ANKIB1: variants seen among roughly 807,000 people sequenced by gnomAD.
ANKIB1 encodes the protein ankyrin repeat and IBR domain-containing protein 1.
Under a neutral mutation model 122.1 loss-of-function variants are expected in ANKIB1, and 43 were observed. The ratio of observed to expected loss-of-function variants is 0.35; its 90% CI spans 0.28 to 0.45. The LOEUF (loss-of-function observed/expected upper bound fraction) is 0.45, where lower values mean the gene tolerates loss of function less well. Ranked by LOEUF, ANKIB1 falls within the 20% of genes least tolerant of loss-of-function variation. ANKIB1 has a pLI of 1.00. For synonymous variants in ANKIB1, 390 were observed against 442.0 expected (o/e 0.88, Z 1.48); for missense variants, 992 against 1,329.5 (o/e 0.75, Z 3.95).
intron 1 of ANKIB1, among the ~76,000 whole-genome samples, chr7:92,275,578 A>G (rs1451841136): frequency 6.6e-6 from 1 of 152,134 alleles, no homozygotes; most frequent in Admixed American, 6.5e-5. Flanking sequence ...ATTCAATCCC[A>G]AATGGCAAGA....
chr7:92,371,532 T>C lies in ANKIB1; in HGVS notation c.1542T>C (p.Thr514=). The C allele has an allele frequency of 6.2e-7, 1 of 1,606,488 alleles. No individual in the cohort carries two copies. Among genetic ancestry groups the C allele is most frequent in the South Asian group, 1.1e-5 (1 of 89,266 alleles). ...CCGCCAATTGTCTCTGGTTATTAAC[T>C]AACTCCAAGCCTTGTGCCAACTGTA... ...EDAANCLWLL[T]NSKPCANCKS... The change falls in exon 11 of 20, where the codon ACT becomes ACC. Residue 514 remains threonine (T), a synonymous_variant. Transcript: ENST00000265742.
chr7:92,386,695 T>C (rs1190467099), intron 12 of ANKIB1, 52 bp downstream of exon 12: 3 of 1,411,908 alleles, frequency 2.1e-6, no homozygotes, highest in African/African-American at 1.5e-5. Flanking sequence ...TCACTGCCAC[T>C]GGAATTATTT....
chr7:92,340,263 C>G (rs1488791669), intron 5 of ANKIB1, among the ~76,000 whole-genome samples: 2 of 152,180 alleles, frequency 1.3e-5, no homozygotes, highest in Non-Finnish European at 2.9e-5. Context: ...CTGAGGGTCA[C>G]AGAGATCAGG....
At chr7:92,298,948 C>T (rs1802408905) in intron 2 of ANKIB1, among the ~76,000 whole-genome samples, 1 of 152,182 alleles carries the variant, frequency 6.6e-6, no homozygotes, top group South Asian at 2.1e-4. Flanking sequence ...TCTGAGGAAG[C>T]ACACCTGTGC....
At chr7:92,355,393 A>T (rs183502307) in intron 9 of ANKIB1, among the ~76,000 whole-genome samples, 26 of 152,280 alleles carry the variant, frequency 1.7e-4, no homozygotes, top group Admixed American at 1.6e-3. Flanking sequence ...CACCAAACTT[A>T]AGATGGTATG....
chr7:92,352,295 T>G (rs552009138), intron 8 of ANKIB1, among the ~76,000 whole-genome samples, 181 bp from the exon 9 acceptor site: 3 of 152,366 alleles, frequency 2.0e-5, no homozygotes, highest in South Asian at 2.1e-4. Flanking sequence ...CACTTTCCCC[T>G]TAATAATTTT....
intron 11 of ANKIB1, among the ~76,000 whole-genome samples, chr7:92,375,860 T>G (rs935833610): frequency 1.3e-5 from 2 of 152,236 alleles, no homozygotes; most frequent in African/African-American, 2.4e-5. Flanking sequence ...ATAATAAGAC[T>G]TGAAAGTCAA....
At chr7:92,258,343 G>A (rs1421470664) in intron 1 of ANKIB1, among the ~76,000 whole-genome samples, 2 of 152,222 alleles carry the variant, frequency 1.3e-5, no homozygotes, top group South Asian at 2.1e-4. Context: ...GAGTGTTAAT[G>A]TCCTAAGCCA....
chr7:92,367,327 G>A (rs1228476319), intron 10 of ANKIB1, among the ~76,000 whole-genome samples: 1 of 152,110 alleles, frequency 6.6e-6, no homozygotes, highest in Non-Finnish European at 1.5e-5. Flanking sequence ...ACCAGTAATG[G>A]CCACTTATGT....
intron 4 of ANKIB1, among the ~76,000 whole-genome samples, chr7:92,323,923 T>A (rs995754264): frequency 8.5e-5 from 13 of 152,236 alleles, no homozygotes; most frequent in Admixed American, 8.5e-4. Context: ...AGAACTCATA[T>A]GCTGGACATT....
intron 5 of ANKIB1, among the ~76,000 whole-genome samples, chr7:92,341,823 C>T (rs193099526): frequency 1.3e-5 from 2 of 152,194 alleles, no homozygotes; most frequent in Admixed American, 6.5e-5. Flanking sequence ...AGATGCTGGG[C>T]GACAGTAGTG....
chr7:92,252,666 C>T (rs866790047), intron 1 of ANKIB1, among the ~76,000 whole-genome samples: 1 of 152,098 alleles, frequency 6.6e-6, no homozygotes, highest in South Asian at 2.1e-4. Flanking sequence ...TGATTTGTTG[C>T]TATTGTTATT....
intron 5 of ANKIB1, among the ~76,000 whole-genome samples, chr7:92,338,906 C>T (rs1585114586): frequency 4.3e-5 from 1 of 23,470 alleles, no homozygotes; most frequent in Non-Finnish European, 6.8e-5. Flanking sequence ...AGTGAGACTC[C>T]ATCTCAAAAA....
At chr7:92,304,703 A>G (rs1444758143) in intron 2 of ANKIB1, among the ~76,000 whole-genome samples, 1 of 152,172 alleles carries the variant, frequency 6.6e-6, no homozygotes, top group African/African-American at 2.4e-5. Context: ...TGTAGAAGAG[A>G]TAATAATCTT....
intron 1 of ANKIB1, among the ~76,000 whole-genome samples, chr7:92,282,031 G>A (rs1490143840): frequency 6.6e-6 from 1 of 152,120 alleles, no homozygotes; most frequent in African/African-American, 2.4e-5. Flanking sequence ...TTTGACTATA[G>A]ATTTCTAAAC....
Position 92,362,291 on chromosome 7 carries a change from TA to T in ANKIB1, c.1486+19del, listed in dbSNP as rs1562793004. On this transcript the variant is annotated intron_variant, in intron 10 of 19. Transcript: ENST00000265742. ...AGAAGAACGTAAGAGGAATTTTAGA[TA>T]GCTTTGCTGCATATTTCCTGATAGC... is the stretch of plus-strand genomic sequence containing the variant. The T allele has an allele frequency of 1.3e-6, 2 of 1,562,920 alleles. No homozygotes were observed. The highest frequency in any genetic ancestry group is 1.7e-4 in the Middle Eastern group (1 of 5,998).
intron 6 of ANKIB1, among the ~76,000 whole-genome samples, chr7:92,343,711 TAA>T (rs957807087): frequency 6.6e-6 from 1 of 152,182 alleles, no homozygotes; most frequent in Non-Finnish European, 1.5e-5. Flanking sequence ...TATAAAAAGA[TAA>T]GTTTGTGATG....
intron 3 of ANKIB1, among the ~76,000 whole-genome samples, chr7:92,317,885 G>T (rs1326766864): frequency 6.6e-6 from 1 of 152,198 alleles, no homozygotes; most frequent in Admixed American, 6.5e-5. Flanking sequence ...TCTAAAAAGT[G>T]TTAACATTTA....
chr7:92,359,513 A>G (rs1803894652), intron 9 of ANKIB1, among the ~76,000 whole-genome samples: 2 of 152,174 alleles, frequency 1.3e-5, no homozygotes, highest in Admixed American at 6.5e-5. Flanking sequence ...GCTATTGTGA[A>G]TAGTGCTGCA....
Sources: gnomAD v4.1 joint callset for allele counts (sites outside exome capture counted in the v4.1 genomes callset) on GRCh38, gnomAD v4.1.1 for gene constraint, MANE v1.5 for transcripts, NCBI Gene and HGNC (gene_info 2026-07-23, HGNC 2026-07-21) for gene names.